PRKG1: variants seen among roughly 807,000 people sequenced by gnomAD.
The protein encoded by PRKG1 is cGMP-dependent protein kinase 1.
PRKG1 carries 35 observed loss-of-function variants against 88.1 expected under a neutral mutation model. The ratio of observed to expected loss-of-function variants is 0.40; its 90% CI spans 0.30 to 0.53. The LOEUF (loss-of-function observed/expected upper bound fraction) is 0.53, where lower values mean the gene tolerates loss of function less well. Ranked by LOEUF, PRKG1 falls within the 20% of genes least tolerant of loss-of-function variation. The pLI, the probability that PRKG1 is intolerant of heterozygous loss-of-function variation, is 0.59. For missense variants in PRKG1, 540 were observed against 839.8 expected (o/e 0.64, Z 4.41); for synonymous variants, 303 against 292.5 (o/e 1.04, Z -0.37).
chr10:51,350,466 C>T (rs1434483755), intron 2 of PRKG1, among the ~76,000 whole-genome samples: 2 of 152,124 alleles, frequency 1.3e-5, no homozygotes, highest in Non-Finnish European at 2.9e-5. Context: ...ACTACAGACC[C>T]ACAGTTAGTA....
intron 3 of PRKG1, among the ~76,000 whole-genome samples, chr10:51,773,351 C>A (rs1179924744): frequency 6.6e-6 from 1 of 151,940 alleles, no homozygotes; most frequent in Admixed American, 6.6e-5. Flanking sequence ...TCCATAGATC[C>A]ATGGAATCTT....
At chr10:51,737,743 T>TA (rs1491170274) in intron 3 of PRKG1, among the ~76,000 whole-genome samples, 61 of 105,682 alleles carry the variant, frequency 5.8e-4, no homozygotes, top group African/African-American at 1.5e-3. Context: ...ATTTATTAAT[T>TA]ATTATTATTA....
intron 5 of PRKG1, among the ~76,000 whole-genome samples, chr10:52,012,235 A>T (rs1293240459): frequency 1.5e-5 from 2 of 135,120 alleles, no homozygotes; most frequent in Non-Finnish European, 3.1e-5. Flanking sequence ...TTTTTGAAGG[A>T]TTTATTTGCC....
At chr10:51,776,867 G>T (rs1382062936) in intron 3 of PRKG1, among the ~76,000 whole-genome samples, 5 of 151,958 alleles carry the variant, frequency 3.3e-5, no homozygotes, top group Non-Finnish European at 1.5e-5. Context: ...TTAAACTTTA[G>T]AAGACTATAT....
intron 16 of PRKG1, 113 bp downstream of exon 16, chr10:52,289,106 C>T (rs1842183528): frequency 2.9e-6 from 3 of 1,037,030 alleles, no homozygotes; most frequent in Non-Finnish European, 2.9e-6. Context: ...CATCCAAAGA[C>T]AGCGTATAAA....
At chr10:52,288,349 C>T (rs1589761385) in intron 14 of PRKG1, among the ~76,000 whole-genome samples, 3 of 152,108 alleles carry the variant, frequency 2.0e-5, no homozygotes, top group South Asian at 4.2e-4. Flanking sequence ...GGGGTAGTAT[C>T]GTTGGTGTTC....
At chr10:51,025,379 A>G (rs762605623) in intron 1 of PRKG1, among the ~76,000 whole-genome samples, 3 of 152,092 alleles carry the variant, frequency 2.0e-5, no homozygotes, top group Non-Finnish European at 4.4e-5. Flanking sequence ...AAAGGGTCTG[A>G]ATTTAACTGG....
chr10:51,685,783 A>G (rs1037799208), intron 3 of PRKG1, among the ~76,000 whole-genome samples: 1 of 152,148 alleles, frequency 6.6e-6, no homozygotes, highest in African/African-American at 2.4e-5. Context: ...GTGACCAGCC[A>G]TGATCATATA....
chr10:51,634,512 A>C (rs535105639), intron 3 of PRKG1, among the ~76,000 whole-genome samples: 3 of 152,274 alleles, frequency 2.0e-5, no homozygotes, highest in Non-Finnish European at 4.4e-5. Flanking sequence ...CTTATTCCAA[A>C]TCTTGGTTTG....
chr10:51,938,147 C>T (rs1166251919), intron 5 of PRKG1, among the ~76,000 whole-genome samples: 1 of 152,034 alleles, frequency 6.6e-6, no homozygotes, highest in Non-Finnish European at 1.5e-5. Flanking sequence ...CTCTCTTCAT[C>T]TCACATCATC....
At chr10:51,453,371 C>G (rs1006840163) in intron 2 of PRKG1, among the ~76,000 whole-genome samples, 3 of 151,662 alleles carry the variant, frequency 2.0e-5, no homozygotes, top group Non-Finnish European at 4.4e-5. Flanking sequence ...TTGGTTTGTT[C>G]CTGTTTCTCT....
chr10:52,094,416 T>G (rs1847127148), intron 7 of PRKG1, among the ~76,000 whole-genome samples: 1 of 152,140 alleles, frequency 6.6e-6, no homozygotes, highest in Non-Finnish European at 1.5e-5. Flanking sequence ...TATCACTTGA[T>G]GCTCTCTCTC....
intron 7 of PRKG1, among the ~76,000 whole-genome samples, chr10:52,078,636 T>A (rs1846691687): frequency 6.6e-6 from 1 of 152,254 alleles, no homozygotes; most frequent in African/African-American, 2.4e-5. Context: ...CTTCTCATTT[T>A]AACTGCTATT....
At chr10:51,080,257 C>T (rs1844072987) in intron 1 of PRKG1, among the ~76,000 whole-genome samples, 1 of 152,126 alleles carries the variant, frequency 6.6e-6, no homozygotes, top group Non-Finnish European at 1.5e-5. Flanking sequence ...TACTGGTAAG[C>T]TCTTAAATAG....
At chr10:51,688,572 T>TTA (rs1477958325) in intron 3 of PRKG1, among the ~76,000 whole-genome samples, 1 of 151,212 alleles carries the variant, frequency 6.6e-6, no homozygotes, top group Non-Finnish European at 1.5e-5. Flanking sequence ...ATCCTTTTTT[T>TTA]TTTTTTTTTT....
At chr10:51,866,923 T>C (rs1388372343) in intron 4 of PRKG1, among the ~76,000 whole-genome samples, 1 of 152,140 alleles carries the variant, frequency 6.6e-6, no homozygotes, top group African/African-American at 2.4e-5. Flanking sequence ...CTCAGTCTAA[T>C]GGGGAAGACA....
chr10:52,266,218 CT>C (rs575653935), intron 10 of PRKG1, among the ~76,000 whole-genome samples: 9 of 148,064 alleles, frequency 6.1e-5, no homozygotes, highest in African/African-American at 1.7e-4. Context: ...TTATTGTAAA[CT>C]TTTTTTTAAG....
chr10:51,043,051 T>A (rs917454993), intron 1 of PRKG1, among the ~76,000 whole-genome samples: 2 of 152,130 alleles, frequency 1.3e-5, no homozygotes, highest in African/African-American at 4.8e-5. Context: ...CCCTTTATGG[T>A]ATTTTGTTAT....
chr10:51,346,172 T>C (rs1422315690), intron 2 of PRKG1, among the ~76,000 whole-genome samples: 1 of 152,216 alleles, frequency 6.6e-6, no homozygotes, highest in African/African-American at 2.4e-5. Flanking sequence ...AAAAAAGTCG[T>C]TGATGATCAT....
Sources: gnomAD v4.1 joint callset for allele counts (sites outside exome capture counted in the v4.1 genomes callset) on GRCh38, gnomAD v4.1.1 for gene constraint, MANE v1.5 for transcripts, NCBI Gene and HGNC (gene_info 2026-07-23, HGNC 2026-07-21) for gene names.